EIF3H: variants seen among roughly 807,000 people sequenced by gnomAD.
The protein encoded by EIF3H is eIF-3-gamma.
Under a neutral mutation model 44.2 loss-of-function variants are expected in EIF3H, and 26 were observed. The observed-to-expected ratio is 0.59, with a 90% CI of 0.43 to 0.82. The LOEUF (loss-of-function observed/expected upper bound fraction) is 0.82. EIF3H is among the 40% of genes least tolerant of loss of function. The pLI is 0.00. For synonymous variants in EIF3H, 166 were observed against 151.9 expected (o/e 1.09, Z -0.68); for missense variants, 359 against 432.8 (o/e 0.83, Z 1.51).
rs1391732278 is a variant in EIF3H, at chr8:116,662,928, C to G, written c.290-3948G>C. On this transcript the variant is annotated intron_variant, in intron 2 of 7. Transcript: ENST00000521861. ...TGGATGAACACCCTTGCTTTTGTGG[C>G]TATGCTAGTTTCTCTCAGGAGTTAC... Among the ~76,000 whole-genome samples, 3 of 152,116 alleles carry G rather than the reference C, an allele frequency of 2.0e-5. No homozygotes were observed. The South Asian group carries it at 6.2e-4, about 31-fold the overall frequency.
At chr8:116,732,812 C>T (rs1814973565) in intron 1 of EIF3H, among the ~76,000 whole-genome samples, 1 of 152,200 alleles carries the variant, frequency 6.6e-6, no homozygotes, top group African/African-American at 2.4e-5. Flanking sequence ...CTCAAACACA[C>T]TGTTTCTCTT....
chr8:116,676,280 T>TA lies in EIF3H; in HGVS notation c.290-17301dup, dbSNP rs563767281. ...GGAAGAACACGTAGTAGTCTGTTTT[T>TA]ATACTGCTATAAAGAACTGCCTGAG... On this transcript the variant is annotated intron_variant, in intron 2 of 7. Coordinates refer to ENST00000521861, the MANE Select transcript of EIF3H (RefSeq NM_003756.3). Among the ~76,000 whole-genome samples, 31 of 152,364 alleles carry TA rather than the reference T, an allele frequency of 2.0e-4. No homozygotes were observed. In the South Asian group the frequency reaches 2.9e-3, roughly 14 times the overall value.
At chr8:116,697,082 G>A in intron 2 of EIF3H, 1 of 456,214 alleles carries the variant, frequency 2.2e-6, no homozygotes, top group Non-Finnish European at 4.4e-6. Context: ...CTCCTGAGAG[G>A]CCTCCATCAC....
chr8:116,715,410 T>C (rs1281830903), intron 2 of EIF3H, among the ~76,000 whole-genome samples: 2 of 152,100 alleles, frequency 1.3e-5, no homozygotes, highest in African/African-American at 2.4e-5. Context: ...TTAATAATTA[T>C]ACATGGTGCA....
intron 2 of EIF3H, among the ~76,000 whole-genome samples, chr8:116,681,641 G>A (rs1219591369): frequency 6.8e-6 from 1 of 146,370 alleles, no homozygotes; most frequent in Non-Finnish European, 1.5e-5. Flanking sequence ...ACTCCAGCCT[G>A]GGCAACAAGA....
At chr8:116,707,552 C>G (rs769077159) in intron 2 of EIF3H, among the ~76,000 whole-genome samples, 1 of 61,274 alleles carries the variant, frequency 1.6e-5, no homozygotes, top group Non-Finnish European at 3.3e-5. Context: ...TCAAATATCT[C>G]ATACGTGAGA....
chr8:116,727,421 T>C (rs1246340817), intron 1 of EIF3H, among the ~76,000 whole-genome samples: 7 of 152,184 alleles, frequency 4.6e-5, no homozygotes, highest in African/African-American at 1.7e-4. Flanking sequence ...AAACTAAAAC[T>C]GAGAAGAGTC....
In EIF3H at chr8:116,743,819, C is replaced by T. The variant is rs1335602817; in HGVS notation, c.132+11847G>A. Among the ~76,000 whole-genome samples the T allele has an allele frequency of 2.2e-3, 273 of 123,648 alleles. 2 individuals carry two copies. Among genetic ancestry groups the T allele is most frequent in the African/African-American group, 7.4e-3 (224 of 30,460 alleles). 81.1% of individuals were successfully genotyped at this position (123,648 alleles called of 152,430 possible). A position where few individuals can be genotyped will look rare whatever the true frequency, so the allele number is the denominator to read the frequency against. ...ATATAAACACACACACACACACACA[C>T]ACACACACACACACACACATATATA... On this transcript the variant is annotated intron_variant, in intron 1 of 7. Transcript: ENST00000521861.
At position 116,655,991 on chromosome 8, in the gene EIF3H, T is replaced by C. The variant is rs760390298; in HGVS notation, c.572A>G (p.Asn191Ser). ...DFSPEALKKA[N>S]ITFEYMFEEV... is the part of the protein sequence containing the mutation. ...TTCAAACATGTACTCAAAGGTGATA[T>C]TTGCTTTTTTCAATCTGTGAAGCAT... Residue 191 changes from asparagine to serine, a missense_variant, in exon 5 of 8, where the codon AAT becomes AGT. Around this residue, in one of 5 missense-constraint regions of EIF3H, gnomAD observed 85 missense variants for 79.2 expected, o/e 1.07. Transcript: ENST00000521861. 1.9e-6 allele frequency: 3 copies of C among 1,613,404 alleles called. No individual in the cohort carries two copies. Among genetic ancestry groups the C allele is most frequent in the South Asian group, 1.1e-5 (1 of 90,988 alleles).
chr8:116,726,724 G>A (rs2130927976), intron 1 of EIF3H, among the ~76,000 whole-genome samples: 3 of 152,230 alleles, frequency 2.0e-5, no homozygotes, highest in Middle Eastern at 6.8e-3. Context: ...ATAGTCTCCA[G>A]CATGATCTAG....
upstream of EIF3H, among the ~76,000 whole-genome samples, chr8:116,758,380 A>G (rs2131006554): frequency 6.6e-6 from 1 of 152,320 alleles, no homozygotes; most frequent in African/African-American, 2.4e-5. Context: ...ATAGAGCTGA[A>G]AGGAAAAAAT....
At chr8:116,728,021 T>C (rs1814880226) in intron 1 of EIF3H, among the ~76,000 whole-genome samples, 1 of 152,208 alleles carries the variant, frequency 6.6e-6, no homozygotes, top group African/African-American at 2.4e-5. Context: ...AGCTGGAAAG[T>C]CACTGAAATA....
intron 2 of EIF3H, among the ~76,000 whole-genome samples, chr8:116,698,184 GT>G (rs79540530): frequency 2.0e-4 from 30 of 149,282 alleles, no homozygotes; most frequent in Middle Eastern, 3.4e-3. Flanking sequence ...TATAAAAGCA[GT>G]TTTTTTTTTA....
intron 1 of EIF3H, among the ~76,000 whole-genome samples, chr8:116,754,639 A>T (rs1298026021): frequency 7.4e-6 from 1 of 134,778 alleles, no homozygotes; most frequent in Non-Finnish European, 1.6e-5. Flanking sequence ...CAGATGAGGA[A>T]AGCAAAGCCT....
chr8:116,762,140 A>G (rs1385251813), intron 1 of EIF3H, among the ~76,000 whole-genome samples: 5 of 152,372 alleles, frequency 3.3e-5, no homozygotes, highest in Admixed American at 3.3e-4. Context: ...ATTGACTGAC[A>G]TCAGCTAACA....
intron 2 of EIF3H, among the ~76,000 whole-genome samples, chr8:116,667,953 T>C (rs1225847969): frequency 2.0e-5 from 3 of 152,202 alleles, no homozygotes; most frequent in Admixed American, 6.5e-5. Context: ...CCAAGGGCTC[T>C]TTTGTTTAAT....
At chr8:116,764,765 C>T (rs201464240) in intron 1 of EIF3H, among the ~76,000 whole-genome samples, 1 of 152,178 alleles carries the variant, frequency 6.6e-6, no homozygotes, top group East Asian at 1.9e-4. Flanking sequence ...GTGATCCTCC[C>T]GCCTCGGGCT....
intron 4 of EIF3H, 104 bp from the exon 5 acceptor site, chr8:116,656,109 G>A (rs1216020675): frequency 2.0e-6 from 2 of 1,003,612 alleles, no homozygotes; most frequent in Non-Finnish European, 2.9e-6. Context: ...CAAGATCTTT[G>A]TTTCATTAGC....
rs1197279760 is a variant in EIF3H, at chr8:116,658,825, C to T, written c.445G>A (p.Val149Ile). ...ACCTCCTACTAACCATAAATGAGAA[C>T]GACAGATTCTTCAATGGCATGCTGG... Reference protein sequence around the residue: ...SYQHAIEESVVLIYDPIKTAQ... With the variant: ...SYQHAIEESVILIYDPIKTAQ... Residue 149 changes from valine (V) to isoleucine (I), a missense_variant, in exon 3 of 8, where the codon GTT becomes ATT. Val to Ile is a conservative substitution (Grantham distance 29, BLOSUM62 3). This residue lies in a region of EIF3H where 91 missense variants were observed against 164.6 expected (regional missense o/e 0.55). Coordinates refer to ENST00000521861, the MANE Select transcript of EIF3H (RefSeq NM_003756.3). 2 of 1,611,752 alleles carry T rather than the reference C, an allele frequency of 1.2e-6. No individual in the cohort carries two copies. Among genetic ancestry groups the T allele is most frequent in the Non-Finnish European group, 8.5e-7 (1 of 1,179,208 alleles).
Sources: gnomAD v4.1 joint callset for allele counts (sites outside exome capture counted in the v4.1 genomes callset) on GRCh38, gnomAD v4.1.1 for gene constraint, gnomAD v4.1.1 regional missense constraint, MANE v1.5 for transcripts, NCBI Gene and HGNC (gene_info 2026-07-23, HGNC 2026-07-21) for gene names.